NBEA: variants seen among roughly 807,000 people sequenced by gnomAD.
NBEA encodes neurobeachin, also known as lysosomal-trafficking regulator 2.
Under a neutral mutation model 343.4 loss-of-function variants are expected in NBEA, and 44 were observed. The observed-to-expected ratio is 0.13, with a 90% CI of 0.10 to 0.16. NBEA has a LOEUF of 0.16. NBEA is among the 10% of genes least tolerant of loss of function. The pLI, the probability that NBEA is intolerant of heterozygous loss-of-function variation, is 1.00. For synonymous variants in NBEA, 1,175 were observed against 1,238.7 expected, an observed-to-expected ratio of 0.95 and a Z score of 1.08; for missense variants, 2,555 against 3,631.3, an observed-to-expected ratio of 0.70 and a Z score of 7.62.
chr13:35,327,093 C>T (rs1039507472), intron 36 of NBEA, among the ~76,000 whole-genome samples: 2 of 151,726 alleles, frequency 1.3e-5, no homozygotes, highest in African/African-American at 4.8e-5. Context: ...ATTTCACACC[C>T]ATGAGTAATG....
chr13:34,989,928 A>G (rs2060691467), intron 1 of NBEA, among the ~76,000 whole-genome samples: 1 of 150,848 alleles, frequency 6.6e-6, no homozygotes, highest in African/African-American at 2.4e-5. Flanking sequence ...GGGGTTACAG[A>G]CCCCATGCAA....
At chr13:35,490,787 G>T (rs2152973505) in intron 41 of NBEA, among the ~76,000 whole-genome samples, 1 of 151,948 alleles carries the variant, frequency 6.6e-6, no homozygotes, top group East Asian at 1.9e-4. Context: ...AGAAACTTCT[G>T]GCCTCATTTC....
At chr13:35,488,343 T>G (rs953715041) in intron 41 of NBEA, among the ~76,000 whole-genome samples, 1 of 151,918 alleles carries the variant, frequency 6.6e-6, no homozygotes, top group African/African-American at 2.4e-5. Context: ...ACAGCCTTCG[T>G]ATAGTTTTTT....
chr13:35,250,576 G>A (rs1256987961), intron 34 of NBEA, among the ~76,000 whole-genome samples: 5 of 152,272 alleles, frequency 3.3e-5, no homozygotes, highest in African/African-American at 1.2e-4. Flanking sequence ...CTAAATTGAT[G>A]AAACCACTTT....
intron 48 of NBEA, among the ~76,000 whole-genome samples, chr13:35,611,853 G>T (rs2082536107): frequency 6.6e-6 from 1 of 152,292 alleles, no homozygotes; most frequent in Non-Finnish European, 1.5e-5. Context: ...GCAATTTTGA[G>T]TAATGCTGCT....
chr13:35,545,126 A>G (rs1478328815), intron 41 of NBEA, among the ~76,000 whole-genome samples: 1 of 152,238 alleles, frequency 6.6e-6, no homozygotes, highest in Non-Finnish European at 1.5e-5. Context: ...CAGTAAAGGT[A>G]TAAATAAAGA....
intron 55 of NBEA, among the ~76,000 whole-genome samples, chr13:35,661,805 C>G (rs952214676): frequency 2.1e-4 from 32 of 152,170 alleles, no homozygotes; most frequent in African/African-American, 7.5e-4. Context: ...CATATTTTAT[C>G]TAAGTATAAA....
intron 48 of NBEA, among the ~76,000 whole-genome samples, chr13:35,619,800 C>T (rs555915857): frequency 2.0e-5 from 3 of 152,318 alleles, no homozygotes; most frequent in Admixed American, 2.0e-4. Flanking sequence ...CTTGGAACTG[C>T]AGTGTCCTCC....
chr13:35,574,380 C>CAAAAAAAAAAAAAAAAAAAAAAA (rs1313695369), intron 45 of NBEA, among the ~76,000 whole-genome samples: 1 of 124,772 alleles, frequency 8.0e-6, no homozygotes, highest in African/African-American at 3.2e-5. Context: ...TATACACTAT[C>CAAAAAAAAAAAAAAAAAAAAAAA]AAAAAAAAAG....
chr13:35,636,471 A>AACC (rs1343181429), intron 49 of NBEA, among the ~76,000 whole-genome samples: 1 of 152,188 alleles, frequency 6.6e-6, no homozygotes, highest in Non-Finnish European at 1.5e-5. Flanking sequence ...GCACCTGGTA[A>AACC]ACCTGTGTCT....
chr13:34,967,227 A>G (rs1345478967), intron 1 of NBEA, among the ~76,000 whole-genome samples: 1 of 151,912 alleles, frequency 6.6e-6, no homozygotes, highest in African/African-American at 2.4e-5. Flanking sequence ...GGGCAACTGA[A>G]TTAAATCTTC....
chr13:35,239,097 T>C (rs1445244998), intron 34 of NBEA, among the ~76,000 whole-genome samples: 1 of 152,062 alleles, frequency 6.6e-6, no homozygotes, highest in Non-Finnish European at 1.5e-5. Context: ...GAAAATTGGG[T>C]AAATGGAAAA....
intron 1 of NBEA, among the ~76,000 whole-genome samples, chr13:34,944,020 G>C (rs2059115936): frequency 6.6e-6 from 1 of 152,186 alleles, no homozygotes; most frequent in African/African-American, 2.4e-5. Context: ...ATACATTGAG[G>C]ATAATTAACA....
intron 52 of NBEA, among the ~76,000 whole-genome samples, chr13:35,650,530 C>T (rs1433431101): frequency 1.3e-5 from 2 of 152,086 alleles, no homozygotes; most frequent in African/African-American, 2.4e-5. Context: ...GGTGAAACCC[C>T]GTCTCTACTA....
chr13:35,569,749 A>G (rs138938462), intron 45 of NBEA, among the ~76,000 whole-genome samples: 13 of 152,206 alleles, frequency 8.5e-5, no homozygotes, highest in African/African-American at 2.9e-4. Flanking sequence ...TTTACAAGAT[A>G]GGTATAGTAG....
Position 35,601,069 on chromosome 13 carries a change from C to T in NBEA, c.7297-5357C>T, listed in dbSNP as rs1239995535. 2.0e-5 allele frequency among the ~76,000 whole-genome samples: 3 copies of T among 151,838 alleles called. No individual in the cohort carries two copies. In the East Asian group the frequency reaches 5.8e-4, roughly 30 times the overall value. ...GCGCACACCTGTAATCCCAGCTACT[C>T]GGGATGCTGAGGCTCAAGAATCGCT... is the stretch of plus-strand genomic sequence containing the variant. On this transcript the variant is annotated intron_variant, in intron 47 of 58. Transcript: ENST00000379939.
At chr13:34,991,746 C>A (rs1199802131) in intron 1 of NBEA, among the ~76,000 whole-genome samples, 1 of 152,132 alleles carries the variant, frequency 6.6e-6, no homozygotes, top group Non-Finnish European at 1.5e-5. Context: ...CATGCCATTT[C>A]TTTTACTTTT....
chr13:35,032,163 CCCAGTAATGGGATTG>C (rs1244615952), intron 1 of NBEA, among the ~76,000 whole-genome samples: 1 of 151,706 alleles, frequency 6.6e-6, no homozygotes, highest in East Asian at 1.9e-4. Flanking sequence ...TGGATATATA[CCCAGTAATGGGATTG>C]CTGGGTCGAA....
intron 40 of NBEA, among the ~76,000 whole-genome samples, chr13:35,467,301 A>G (rs1035859590): frequency 4.6e-5 from 7 of 151,954 alleles, no homozygotes; most frequent in East Asian, 1.9e-4. Flanking sequence ...GTGAAACACC[A>G]TCTCTACTAA....
Sources: allele counts gnomAD v4.1 joint callset (sites outside exome capture counted in the v4.1 genomes callset), GRCh38; gene constraint gnomAD v4.1.1; transcripts MANE v1.5; gene names NCBI Gene and HGNC (gene_info 2026-07-23, HGNC 2026-07-21).